The following MACROD2 variants were observed in gnomAD, a reference collection of about 807,000 sequenced individuals.
MACROD2 encodes ADP-ribose glycohydrolase MACROD2.
MACROD2 carries 36 observed loss-of-function variants against 70.4 expected under a neutral mutation model. That is an observed-to-expected ratio of 0.51 (90% CI 0.39 to 0.68). The LOEUF (loss-of-function observed/expected upper bound fraction) is 0.68, where lower values mean the gene tolerates loss of function less well. MACROD2 is among the 30% of genes least tolerant of loss of function. The pLI, the probability that MACROD2 is intolerant of heterozygous loss-of-function variation, is 0.00. For missense variants in MACROD2, 496 were observed against 538.4 expected (o/e 0.92, Z 0.78); for synonymous variants, 172 against 178.8 (o/e 0.96, Z 0.30).
intron 8 of MACROD2, among the ~76,000 whole-genome samples, chr20:15,838,183 C>A (rs1390119624): frequency 2.0e-5 from 3 of 151,868 alleles, no homozygotes; most frequent in Non-Finnish European, 2.9e-5. Context: ...ACATTCCATT[C>A]TTTCCTTTTA....
intron 6 of MACROD2, among the ~76,000 whole-genome samples, chr20:15,337,993 T>C (rs943599591): frequency 5.9e-5 from 9 of 151,772 alleles, no homozygotes; most frequent in African/African-American, 2.0e-4. Flanking sequence ...CAGGATGATA[T>C]AAGTTTTGGT....
chr20:14,507,984 G>C (rs542262978), intron 4 of MACROD2, among the ~76,000 whole-genome samples: 2 of 152,320 alleles, frequency 1.3e-5, no homozygotes, highest in African/African-American at 4.8e-5. Flanking sequence ...GATAAGGGAT[G>C]TGAAATCATG....
chr20:15,206,719 A>ATTTTTT (rs1568636094), intron 5 of MACROD2, among the ~76,000 whole-genome samples: 2 of 48,128 alleles, frequency 4.2e-5, no homozygotes, highest in Non-Finnish European at 7.7e-5. Flanking sequence ...CATATTATCT[A>ATTTTTT]TGTTTTTTTT....
chr20:14,018,367 G>A (rs1035551365), intron 2 of MACROD2, among the ~76,000 whole-genome samples: 16 of 151,774 alleles, frequency 1.1e-4, no homozygotes, highest in African/African-American at 3.4e-4. Flanking sequence ...AAGTTACGCT[G>A]TTGAAATGAG....
At chr20:15,364,855 G>GA (rs1568751533) in intron 6 of MACROD2, among the ~76,000 whole-genome samples, 1 of 152,214 alleles carries the variant, frequency 6.6e-6, no homozygotes, top group Admixed American at 6.5e-5. Flanking sequence ...ACCTAGTGTA[G>GA]ACAATGTGAC....
chr20:15,324,850 G>A (rs2077910848), intron 6 of MACROD2, among the ~76,000 whole-genome samples: 1 of 152,100 alleles, frequency 6.6e-6, no homozygotes, highest in Non-Finnish European at 1.5e-5. Flanking sequence ...GGCAATATAG[G>A]TAAGTCTTAT....
At chr20:14,959,715 C>T (rs145520334) in intron 5 of MACROD2, among the ~76,000 whole-genome samples, 1 of 152,306 alleles carries the variant, frequency 6.6e-6, no homozygotes, top group Non-Finnish European at 1.5e-5. Context: ...TACTGTTTCG[C>T]AACACATAGT....
At chr20:15,433,688 A>G (rs946172262) in intron 7 of MACROD2, among the ~76,000 whole-genome samples, 2 of 151,500 alleles carry the variant, frequency 1.3e-5, no homozygotes, top group African/African-American at 2.4e-5. Context: ...CAGAACTAGG[A>G]AAAAAAAGCT....
intron 3 of MACROD2, among the ~76,000 whole-genome samples, chr20:14,423,037 C>A (rs1045730953): frequency 6.6e-6 from 1 of 152,124 alleles, no homozygotes; most frequent in Non-Finnish European, 1.5e-5. Flanking sequence ...AAGATGAGTA[C>A]CTTGCTTCAG....
At chr20:14,579,174 G>A (rs1053980338) in intron 4 of MACROD2, among the ~76,000 whole-genome samples, 1 of 112,318 alleles carries the variant, frequency 8.9e-6, no homozygotes, top group Admixed American at 1.4e-4. Context: ...TCGCTCTGTC[G>A]CCCAGGCCGG....
At chr20:14,094,430 G>A (rs1041645254) in intron 3 of MACROD2, among the ~76,000 whole-genome samples, 1 of 152,144 alleles carries the variant, frequency 6.6e-6, no homozygotes, top group African/African-American at 2.4e-5. Context: ...TCTGGCTTCT[G>A]CTAAACTGTT....
At chr20:15,001,986 C>G (rs1056279102) in intron 5 of MACROD2, among the ~76,000 whole-genome samples, 4 of 152,122 alleles carry the variant, frequency 2.6e-5, no homozygotes, top group Admixed American at 1.3e-4. Context: ...TACACACACA[C>G]ACTACAATTC....
chr20:14,382,677 TATAA>T (rs746201530), intron 3 of MACROD2, among the ~76,000 whole-genome samples: 2 of 82,498 alleles, frequency 2.4e-5, no homozygotes, highest in Admixed American at 2.9e-4. Context: ...TCAAAAAAGA[TATAA>T]ATAAATAAAT....
chr20:14,005,517 C>G (rs1017388379), intron 2 of MACROD2, among the ~76,000 whole-genome samples: 7 of 151,946 alleles, frequency 4.6e-5, no homozygotes, highest in African/African-American at 1.2e-4. Flanking sequence ...GGAATGGTGC[C>G]TTATGGGTTG....
chr20:15,001,945 CCACACACA>C (rs111994400), intron 5 of MACROD2, among the ~76,000 whole-genome samples: 1 of 145,990 alleles, frequency 6.8e-6, no homozygotes, highest in Non-Finnish European at 1.5e-5. Context: ...GTGTGCATGC[CCACACACA>C]CACACACACA....
intron 8 of MACROD2, among the ~76,000 whole-genome samples, chr20:15,813,771 A>T (rs928167473): frequency 1.3e-5 from 2 of 152,080 alleles, no homozygotes; most frequent in Non-Finnish European, 2.9e-5. Context: ...AGAGGGAGAG[A>T]TCCCCGTCTC....
chr20:15,929,445 T>C (rs923757990), intron 10 of MACROD2, among the ~76,000 whole-genome samples: 11 of 151,826 alleles, frequency 7.2e-5, no homozygotes, highest in East Asian at 1.9e-4. Context: ...TATATATATA[T>C]ACACATATAC....
At chr20:14,893,522 A>C (rs1486115292) in intron 5 of MACROD2, 1 of 152,168 alleles carries the variant, frequency 6.6e-6, no homozygotes, top group African/African-American at 2.4e-5. Context: ...GTTTCTTCAG[A>C]ATATTTGCAT....
chr20:14,250,146 C>T (rs750262634), intron 3 of MACROD2, among the ~76,000 whole-genome samples: 16 of 135,614 alleles, frequency 1.2e-4, no homozygotes, highest in Non-Finnish European at 2.4e-4. Context: ...ACTGACTATA[C>T]GTAGGTGGCT....
Sources: gnomAD v4.1 joint callset for allele counts (sites outside exome capture counted in the v4.1 genomes callset) on GRCh38, gnomAD v4.1.1 for gene constraint, MANE v1.5 for transcripts, NCBI Gene and HGNC (gene_info 2026-07-23, HGNC 2026-07-21) for gene names.